EPHA3: variants seen among roughly 807,000 people sequenced by gnomAD.
EPHA3 encodes ephrin type-A receptor 3.
EPHA3 carries 42 observed loss-of-function variants against 107.1 expected under a neutral mutation model. The ratio of observed to expected loss-of-function variants is 0.39; its 90% confidence interval spans 0.31 to 0.51. EPHA3 has a LOEUF of 0.51. Among genes scored for constraint, EPHA3 ranks in the 20% least tolerant of loss-of-function variants. EPHA3 has a pLI of 0.78. For synonymous variants in EPHA3, 461 were observed against 424.8 expected, an observed-to-expected ratio of 1.09 and a Z score of -1.05; for missense variants, 1,183 against 1,211.2, an observed-to-expected ratio of 0.98 and a Z score of 0.35.
chr3:89,449,988 A>G (rs141101842), intron 14 of EPHA3, among the ~76,000 whole-genome samples, 189 bp from the exon 15 acceptor site: 358 of 152,302 alleles, frequency 2.4e-3, no homozygotes, highest in Non-Finnish European at 3.7e-3. Context: ...CTTCCTTTAT[A>G]TAATATTTTA....
intron 3 of EPHA3, among the ~76,000 whole-genome samples, chr3:89,261,391 AG>A (rs2107281013): frequency 6.6e-6 from 1 of 152,224 alleles, no homozygotes; most frequent in South Asian, 2.1e-4. Flanking sequence ...ATCTGCACTG[AG>A]AGCTGTTTCC....
At chr3:89,140,992 T>C (rs1704420027) in intron 2 of EPHA3, among the ~76,000 whole-genome samples, 8 of 151,622 alleles carry the variant, frequency 5.3e-5, no homozygotes, top group Admixed American at 4.6e-4. Flanking sequence ...CACAATCCCA[T>C]GAAGTTTTAC....
chr3:89,429,852 C>T (rs1280547077), intron 12 of EPHA3, among the ~76,000 whole-genome samples: 2 of 152,140 alleles, frequency 1.3e-5, no homozygotes, highest in African/African-American at 4.8e-5. Context: ...CAATCCCCGC[C>T]TGCTGGGTTC....
Position 89,183,626 on chromosome 3 carries a change from A to G in EPHA3, c.154-26234A>G, listed in dbSNP as rs73845999. 6.9e-3 allele frequency among the ~76,000 whole-genome samples: 1,055 copies of G among 151,880 alleles called. 13 individuals carry two copies. The highest frequency in any genetic ancestry group is 0.024 in the African/African-American group (1,005 of 41,314). ...CAACTTTATATTAAGGTGATTTAAT[A>G]AAGAAACTATTTTTTAATGAAAACA... On this transcript the variant is annotated intron_variant, in intron 2 of 16. Coordinates refer to ENST00000336596, the MANE Select transcript of EPHA3 (RefSeq NM_005233.6).
At chr3:89,133,544 C>T (rs755653380) in intron 2 of EPHA3, among the ~76,000 whole-genome samples, 7 of 152,138 alleles carry the variant, frequency 4.6e-5, no homozygotes, top group Non-Finnish European at 8.8e-5. Flanking sequence ...GATTTCCCTG[C>T]AAAAGGTTCT....
chr3:89,130,061 G>A lies in EPHA3; in HGVS notation c.153+2788G>A, dbSNP rs1334881797. The stretch of plus-strand genomic sequence containing the variant: ...GTTCTTAACAGGTTGAGCGAGTAAG[G>A]GAAGAGGGAATTTTTATTTTGCCTC... On this transcript the variant is annotated intron_variant, in intron 2 of 16. Transcript: ENST00000336596. Among the ~76,000 whole-genome samples, 7 of 152,088 alleles carry A rather than the reference G, an allele frequency of 4.6e-5. No homozygotes were observed. The East Asian group carries it at 1.2e-3, about 25-fold the overall frequency.
intron 2 of EPHA3, among the ~76,000 whole-genome samples, chr3:89,169,238 T>C (rs545264539): frequency 2.6e-4 from 39 of 151,960 alleles, no homozygotes; most frequent in East Asian, 7.7e-4. Flanking sequence ...CTGCTAATTA[T>C]ACATGTTTTT....
chr3:89,354,122 C>G (rs1175501431), intron 5 of EPHA3, among the ~76,000 whole-genome samples: 2 of 151,276 alleles, frequency 1.3e-5, no homozygotes, highest in Non-Finnish European at 3.0e-5. Flanking sequence ...AGAAAGTTTT[C>G]TCATCCTTAT....
At chr3:89,385,912 G>T (rs1361580931) in intron 5 of EPHA3, among the ~76,000 whole-genome samples, 1 of 152,186 alleles carries the variant, frequency 6.6e-6, no homozygotes, top group African/African-American at 2.4e-5. Context: ...ACCAGGCTGA[G>T]GTGGTCTCAG....
At chr3:89,205,553 A>G (rs1706079334) in intron 2 of EPHA3, among the ~76,000 whole-genome samples, 1 of 152,156 alleles carries the variant, frequency 6.6e-6, no homozygotes, top group Non-Finnish European at 1.5e-5. Flanking sequence ...ATGAAAATAC[A>G]AGGAACCCTA....
At chr3:89,272,043 T>C (rs1447910280) in intron 3 of EPHA3, among the ~76,000 whole-genome samples, 1 of 152,054 alleles carries the variant, frequency 6.6e-6, no homozygotes, top group Non-Finnish European at 1.5e-5. Flanking sequence ...GTCTTTTCTC[T>C]AGTTTACTTT....
chr3:89,307,685 G>A (rs1022099289), intron 3 of EPHA3, among the ~76,000 whole-genome samples: 2 of 152,008 alleles, frequency 1.3e-5, no homozygotes, highest in South Asian at 2.1e-4. Flanking sequence ...CCAAGTAGCT[G>A]GGACAGCAGG....
At chr3:89,355,564 A>C (rs1707927364) in intron 5 of EPHA3, among the ~76,000 whole-genome samples, 2 of 151,048 alleles carry the variant, frequency 1.3e-5, no homozygotes, top group South Asian at 2.1e-4. Flanking sequence ...TTATGCATTC[A>C]TTTGCAATTT....
At position 89,480,258 on chromosome 3, in the gene EPHA3, A is replaced by G. The variant is rs951457278; in HGVS notation, c.*756A>G. 1.3e-5 allele frequency: 3 copies of G among 232,952 alleles called. No homozygotes were observed. Among genetic ancestry groups the G allele is most frequent in the Non-Finnish European group, 1.7e-5 (2 of 117,878 alleles). The allele number at this position is 232,952 out of a possible 1,614,324, so 14.4% of individuals were successfully genotyped here. A position where few individuals can be genotyped will look rare whatever the true frequency, so the allele number is the denominator to read the frequency against. On this transcript the variant is annotated 3_prime_UTR_variant, in exon 17 of 17. Transcript: ENST00000336596. ...TTGTCAGCAATTTAACTAGACACAG[A>G]TAATAATGGGTTTCTTTCAGATTTT...
Position 89,481,072 on chromosome 3 carries a change from C to T in EPHA3, c.*1570C>T, listed in dbSNP as rs1342535338. ...AAGCAACATTTTAGCTCTATTGATA[C>T]TCTTTCTAATGCTGATATGATCTTG... On this transcript the variant is annotated 3_prime_UTR_variant, in exon 17 of 17. Coordinates refer to ENST00000336596, the MANE Select transcript of EPHA3 (RefSeq NM_005233.6). The T allele has an allele frequency of 4.3e-6, 1 of 231,658 alleles. No individual in the cohort carries two copies. Among genetic ancestry groups the T allele is most frequent in the Non-Finnish European group, 8.5e-6 (1 of 117,166 alleles). The allele number at this position is 231,658 out of a possible 1,614,324, so 14.4% of individuals were successfully genotyped here. A position where few individuals can be genotyped will look rare whatever the true frequency, so the allele number is the denominator to read the frequency against.
intron 12 of EPHA3, among the ~76,000 whole-genome samples, 173 bp downstream of exon 12, chr3:89,429,340 T>C (rs1709517314): frequency 6.6e-6 from 1 of 152,186 alleles, no homozygotes; most frequent in Non-Finnish European, 1.5e-5. Flanking sequence ...TTTGCAGCAT[T>C]CAAATGTTAA....
intron 10 of EPHA3, among the ~76,000 whole-genome samples, chr3:89,417,704 G>A (rs1190812779): frequency 6.6e-6 from 1 of 151,276 alleles, no homozygotes; most frequent in Non-Finnish European, 1.5e-5. Flanking sequence ...GAACACTATA[G>A]CTGTAGATAT....
At chr3:89,335,130 C>A (rs1707366945) in intron 3 of EPHA3, among the ~76,000 whole-genome samples, 1 of 152,060 alleles carries the variant, frequency 6.6e-6, no homozygotes, top group African/African-American at 2.4e-5. Context: ...CTTTGGGCTG[C>A]TATATCAAAA....
chr3:89,210,668 A>G, intron 3 of EPHA3, 148 bp downstream of exon 3: 1 of 789,352 alleles, frequency 1.3e-6, no homozygotes, highest in Non-Finnish European at 1.9e-6. Flanking sequence ...ACTAAAATTA[A>G]TTCCATTTGA....
Sources: gnomAD v4.1 joint callset for allele counts (sites outside exome capture counted in the v4.1 genomes callset) on GRCh38, gnomAD v4.1.1 for gene constraint, MANE v1.5 for transcripts, NCBI Gene and HGNC (gene_info 2026-07-23, HGNC 2026-07-21) for gene names.